CDH10: variants seen among roughly 807,000 people sequenced by gnomAD.
CDH10 encodes the protein cadherin 10, also known as cadherin-10.
In CDH10, 30 loss-of-function variants were observed where a neutral mutation model predicts 73.1. That is an observed-to-expected ratio of 0.41 (90% CI 0.31 to 0.56). CDH10 has a LOEUF of 0.56. CDH10 is among the 20% of genes least tolerant of loss of function. CDH10 has a pLI of 0.27. For missense variants in CDH10, 815 were observed against 973.7 expected (o/e 0.84, Z 2.17); for synonymous variants, 345 against 348.2 (o/e 0.99, Z 0.10).
intron 5 of CDH10, among the ~76,000 whole-genome samples, chr5:24,522,291 A>G (rs1199331964): frequency 6.6e-6 from 1 of 152,202 alleles, no homozygotes; most frequent in Non-Finnish European, 1.5e-5. Flanking sequence ...TTATGGTAAC[A>G]CTATTTTGAA....
At chr5:24,630,002 T>C (rs1293908436) in intron 1 of CDH10, among the ~76,000 whole-genome samples, 1 of 152,116 alleles carries the variant, frequency 6.6e-6, no homozygotes, top group Non-Finnish European at 1.5e-5. Context: ...CCATAATATA[T>C]GTTCTACTTA....
At chr5:24,530,449 T>C (rs1743699501) in intron 5 of CDH10, among the ~76,000 whole-genome samples, 1 of 152,004 alleles carries the variant, frequency 6.6e-6, no homozygotes, top group South Asian at 2.1e-4. Context: ...TTTTATGATT[T>C]TCTATTTTTT....
chr5:24,602,781 G>T (rs1208413602), intron 1 of CDH10, among the ~76,000 whole-genome samples: 1 of 152,028 alleles, frequency 6.6e-6, no homozygotes, highest in Non-Finnish European at 1.5e-5. Flanking sequence ...ATAAGAAGAT[G>T]GGAAAGAGAT....
intron 7 of CDH10, 120 bp downstream of exon 7, chr5:24,509,446 G>T: frequency 2.6e-6 from 2 of 757,576 alleles, no homozygotes; most frequent in African/African-American, 1.8e-5. Context: ...TCACCATGTT[G>T]GCCAGGCTGG....
chr5:24,556,509 AT>A (rs1159261442), intron 2 of CDH10, among the ~76,000 whole-genome samples: 7 of 151,782 alleles, frequency 4.6e-5, no homozygotes. Context: ...TATTTTAAAC[AT>A]TTTTTACCAG....
chr5:24,490,184 C>T (rs1196523374), intron 11 of CDH10, among the ~76,000 whole-genome samples: 1 of 151,948 alleles, frequency 6.6e-6, no homozygotes, highest in East Asian at 1.9e-4. Context: ...AACAAGTTTT[C>T]TATATGATTT....
At chr5:24,615,260 T>C (rs1747092098) in intron 1 of CDH10, among the ~76,000 whole-genome samples, 1 of 152,230 alleles carries the variant, frequency 6.6e-6, no homozygotes, top group Admixed American at 6.5e-5. Context: ...TCTCTTCTGC[T>C]CACTTTTCAC....
intron 2 of CDH10, chr5:24,578,669 T>C (rs1312294670): frequency 3.3e-5 from 5 of 152,980 alleles, no homozygotes; most frequent in Admixed American, 6.6e-5. Context: ...TCTATAACCA[T>C]TGAAGAAAAC....
In CDH10 at chr5:24,554,517, T is replaced by TGCGCGC. The variant is rs1450509949; in HGVS notation, c.232-16844_232-16843insGCGCGC. On this transcript the variant is annotated intron_variant, in intron 2 of 11. Transcript: ENST00000264463. ...GTGTGTGTGTGTGTGTGTGTGTGTG[T>TGCGCGC]GTGCACGTGCATGATTTTTCTTGAT... Among the ~76,000 whole-genome samples, 144 of 149,534 alleles carry TGCGCGC rather than the reference T, an allele frequency of 9.6e-4. 1 individual carries two copies. Among genetic ancestry groups the TGCGCGC allele is most frequent in the African/African-American group, 3.2e-3 (130 of 40,532 alleles).
At chr5:24,507,491 A>G (rs529970209) in intron 7 of CDH10, among the ~76,000 whole-genome samples, 1 of 151,928 alleles carries the variant, frequency 6.6e-6, no homozygotes, top group South Asian at 2.1e-4. Context: ...AAATATCCAC[A>G]GATATATTTT....
intron 7 of CDH10, among the ~76,000 whole-genome samples, chr5:24,508,817 C>T (rs1366813155): frequency 6.6e-6 from 1 of 152,272 alleles, no homozygotes; most frequent in East Asian, 1.9e-4. Flanking sequence ...GCACATCCAG[C>T]CTACTTTATA....
intron 6 of CDH10, among the ~76,000 whole-genome samples, chr5:24,510,027 C>T (rs17457821): frequency 0.034 from 5,160 of 152,172 alleles, 104 homozygotes; most frequent in African/African-American, 0.047. Flanking sequence ...AGTAAAACTT[C>T]GGAACATAGG....
chr5:24,534,389 T>C (rs1289044125), intron 5 of CDH10, among the ~76,000 whole-genome samples: 2 of 152,082 alleles, frequency 1.3e-5, no homozygotes, highest in Non-Finnish European at 2.9e-5. Flanking sequence ...GGAGTGTCCA[T>C]TGAGACTTGA....
chr5:24,499,066 C>T (rs1288561458), intron 8 of CDH10, among the ~76,000 whole-genome samples: 1 of 152,024 alleles, frequency 6.6e-6, no homozygotes, highest in African/African-American at 2.4e-5. Context: ...GTCCTTCGCT[C>T]GTAAGTGGTA....
At chr5:24,641,524 A>G (rs1748048489) in intron 1 of CDH10, among the ~76,000 whole-genome samples, 1 of 152,064 alleles carries the variant, frequency 6.6e-6, no homozygotes. Context: ...TGACAAAACA[A>G]TATATTTTTG....
intron 2 of CDH10, among the ~76,000 whole-genome samples, chr5:24,559,939 G>A (rs1158991591): frequency 3.3e-5 from 5 of 152,010 alleles, no homozygotes; most frequent in Non-Finnish European, 5.9e-5. Flanking sequence ...TACTTTCTGT[G>A]TTTTAAAGTG....
At chr5:24,554,832 C>G (rs1204336421) in intron 2 of CDH10, among the ~76,000 whole-genome samples, 2 of 152,038 alleles carry the variant, frequency 1.3e-5, no homozygotes, top group East Asian at 3.9e-4. Context: ...TACCTTTAAT[C>G]TGACCATTAA....
intron 2 of CDH10, among the ~76,000 whole-genome samples, chr5:24,592,717 T>C (rs1746241323): frequency 1.3e-5 from 2 of 151,860 alleles, no homozygotes; most frequent in South Asian, 4.1e-4. Flanking sequence ...TTTTTCTTTA[T>C]ACAAATGCAC....
intron 5 of CDH10, among the ~76,000 whole-genome samples, chr5:24,525,929 A>T (rs1743516147): frequency 6.6e-6 from 1 of 152,112 alleles, no homozygotes. Flanking sequence ...GTTAATTGGC[A>T]TCAATAGATA....
Sources: gnomAD v4.1 joint callset for allele counts (sites outside exome capture counted in the v4.1 genomes callset) on GRCh38, gnomAD v4.1.1 for gene constraint, MANE v1.5 for transcripts, NCBI Gene and HGNC (gene_info 2026-07-23, HGNC 2026-07-21) for gene names.